The following PBX1 variants were observed in gnomAD, a reference collection of about 807,000 sequenced individuals.
PBX1 encodes the protein PBX homeobox 1, also known as pre-B-cell leukemia transcription factor 1.
PBX1 carries 6 observed loss-of-function variants against 53.4 expected under a neutral mutation model. The observed-to-expected ratio is 0.11, with a 90% confidence interval of 0.06 to 0.22. The LOEUF (loss-of-function observed/expected upper bound fraction) is 0.22, where lower values mean the gene tolerates loss of function less well. Ranked by LOEUF, PBX1 falls within the 10% of genes least tolerant of loss-of-function variation. The pLI, the probability that PBX1 is intolerant of heterozygous loss-of-function variation, is 1.00. For synonymous variants in PBX1, 204 were observed against 212.3 expected (o/e 0.96, Z 0.34); for missense variants, 251 against 551.4 (o/e 0.46, Z 5.46).
chr1:164,868,609 G>A (rs1672275792), intron 2 of PBX1, among the ~76,000 whole-genome samples: 1 of 152,194 alleles, frequency 6.6e-6, no homozygotes, highest in Admixed American at 6.5e-5. Context: ...TGGATAACGA[G>A]CATGAAGAAA....
At chr1:164,881,281 A>C (rs1043706011) in intron 2 of PBX1, among the ~76,000 whole-genome samples, 5 of 151,132 alleles carry the variant, frequency 3.3e-5, no homozygotes, top group Admixed American at 6.6e-5. Context: ...CTGCAGAGAC[A>C]CAGAGAGAAA....
At chr1:164,731,065 A>G (rs1266916140) in intron 2 of PBX1, among the ~76,000 whole-genome samples, 2 of 151,156 alleles carry the variant, frequency 1.3e-5, no homozygotes, top group Non-Finnish European at 3.0e-5. Flanking sequence ...TTCCGTGTTT[A>G]TGTGTGTGTG....
intron 6 of PBX1, chr1:164,819,075 C>A (rs1407485286): frequency 6.6e-6 from 1 of 152,186 alleles, no homozygotes; most frequent in Non-Finnish European, 1.5e-5. Context: ...CATGTTTTAA[C>A]CAAACCTTGC....
intron 2 of PBX1, among the ~76,000 whole-genome samples, chr1:164,789,774 T>A (rs1317086138): frequency 6.6e-6 from 1 of 152,204 alleles, no homozygotes; most frequent in Admixed American, 6.5e-5. Flanking sequence ...AACACCCAGC[T>A]GAAGGGTTAC....
Position 164,752,240 on chromosome 1 carries a change from G to T in PBX1, c.266-40254G>T, listed in dbSNP as rs565103846. On this transcript the variant is annotated intron_variant, in intron 2 of 8. Transcript: ENST00000420696. ...TGTGTGTGTGTGTGTGTGTGTGTGT[G>T]TGTGTGCCCTCAGTGCTTAGATATG... Among the ~76,000 whole-genome samples the T allele has an allele frequency of 9.2e-4, 138 of 150,382 alleles. 4 individuals are homozygous for T. In the South Asian group the frequency reaches 0.028, roughly 31 times the overall value.
At chr1:164,706,056 T>C (rs1371168194) in intron 2 of PBX1, among the ~76,000 whole-genome samples, 1 of 152,124 alleles carries the variant, frequency 6.6e-6, no homozygotes, top group Admixed American at 6.5e-5. Flanking sequence ...ATGGTTGATA[T>C]AAAAAAAATC....
At chr1:164,775,257 C>T (rs1667587069) in intron 2 of PBX1, among the ~76,000 whole-genome samples, 1 of 152,110 alleles carries the variant, frequency 6.6e-6, no homozygotes, top group Non-Finnish European at 1.5e-5. Flanking sequence ...GACCCACTGT[C>T]AAAGATCATA....
intron 2 of PBX1, chr1:164,770,340 C>T (rs1256123433): frequency 3.3e-5 from 5 of 152,150 alleles, no homozygotes; most frequent in Non-Finnish European, 4.4e-5. Flanking sequence ...AAAACTAGGG[C>T]TCTTTTCACT....
At chr1:164,602,213 G>A (rs188844752) in intron 2 of PBX1, among the ~76,000 whole-genome samples, 2 of 152,196 alleles carry the variant, frequency 1.3e-5, no homozygotes, top group East Asian at 1.9e-4. Context: ...TTTACAGTAC[G>A]CACAGGTATG....
chr1:164,669,488 C>T (rs377024789), intron 2 of PBX1, among the ~76,000 whole-genome samples: 4 of 152,192 alleles, frequency 2.6e-5, no homozygotes, highest in East Asian at 1.9e-4. Flanking sequence ...GTGAGCAAAA[C>T]TTGTTTCACA....
chr1:164,698,554 G>A (rs1571241936), intron 2 of PBX1, among the ~76,000 whole-genome samples: 2 of 152,100 alleles, frequency 1.3e-5, no homozygotes, highest in African/African-American at 4.8e-5. Flanking sequence ...AGGACTCAAT[G>A]TTGCCAGCCT....
intron 3 of PBX1, among the ~76,000 whole-genome samples, chr1:164,793,872 C>CTTTTTTTTTTTTTTTTT (rs72414989): frequency 1.3e-4 from 10 of 78,220 alleles, no homozygotes; most frequent in South Asian, 4.9e-4. Flanking sequence ...TTTTTCCTTT[C>CTTTTTTTTTTTTTTTTT]TTTTTTTTTT....
At chr1:164,580,495 G>A (rs1452679169) in intron 2 of PBX1, among the ~76,000 whole-genome samples, 2 of 151,982 alleles carry the variant, frequency 1.3e-5, no homozygotes, top group Admixed American at 6.6e-5. Context: ...GGCCAGGCTG[G>A]TCTTGAACTC....
rs1652900092 is a variant in PBX1, at chr1:164,559,867, G to C, written c.45G>C (p.Gly15=). ...TGATGCATTCCCATGCTGGGGTCGG[G>C]ATGGCCGGACACCCCGGCCTGTCCC... ...PRLMHSHAGV[G]MAGHPGLSQH... is the part of the protein sequence containing the mutation. The change falls in exon 1 of 9, where the codon GGG becomes GGC. Residue 15 remains glycine (G), a synonymous_variant. Transcript: ENST00000420696. The C allele has an allele frequency of 1.9e-6, 3 of 1,549,648 alleles. No homozygotes were observed. The highest frequency in any genetic ancestry group is 2.6e-6 in the Non-Finnish European group (3 of 1,146,304).
At chr1:164,632,899 G>A (rs1055971267) in intron 2 of PBX1, among the ~76,000 whole-genome samples, 1 of 152,146 alleles carries the variant, frequency 6.6e-6, no homozygotes, top group African/African-American at 2.4e-5. Flanking sequence ...GGATTTTATG[G>A]TGCCTAGATC....
chr1:164,559,685 T>C lies in PBX1; in HGVS notation c.-138T>C. 1.8e-6 allele frequency: 1 copy of C among 541,230 alleles called. No homozygotes were observed. The allele number at this position is 541,230 out of a possible 1,614,324, so 33.5% of individuals were successfully genotyped here. On this transcript the variant is annotated 5_prime_UTR_variant, in exon 1 of 9. Transcript: ENST00000420696. ...CAAAGGGATTTTTTTTTTCTTTTGG[T>C]CTTCTTTTTTCCCCCTTCCCTGTTT... is the stretch of plus-strand genomic sequence containing the variant.
At chr1:164,871,169 T>C (rs1303574209) in intron 2 of PBX1, among the ~76,000 whole-genome samples, 4 of 152,154 alleles carry the variant, frequency 2.6e-5, no homozygotes, top group Non-Finnish European at 5.9e-5. Context: ...ACTAGAAAAA[T>C]GTACTCATAG....
At chr1:164,788,295 A>T (rs1481572155) in intron 2 of PBX1, among the ~76,000 whole-genome samples, 5 of 152,124 alleles carry the variant, frequency 3.3e-5, no homozygotes, top group Non-Finnish European at 7.4e-5. Context: ...TTTGTCTCCT[A>T]CTCACCAGAG....
At chr1:164,843,843 A>G (rs551448542) in intron 8 of PBX1, among the ~76,000 whole-genome samples, 5 of 152,260 alleles carry the variant, frequency 3.3e-5, no homozygotes, top group East Asian at 1.9e-4. Flanking sequence ...TCTGGGCAAT[A>G]TAGAATGCCT....
Sources: gnomAD v4.1 joint callset for allele counts (sites outside exome capture counted in the v4.1 genomes callset) on GRCh38, gnomAD v4.1.1 for gene constraint, MANE v1.5 for transcripts, NCBI Gene and HGNC (gene_info 2026-07-23, HGNC 2026-07-21) for gene names.